The following SP100 variants were observed in gnomAD, a reference collection of about 807,000 sequenced individuals.
SP100 encodes the protein nuclear autoantigen Sp-100.
A neutral mutation model predicts 130.0 loss-of-function variants in SP100; 84 were observed. The observed-to-expected ratio is 0.65, with a 90% CI of 0.54 to 0.77. The LOEUF is 0.77. Ranked by LOEUF, SP100 falls within the 30% of genes least tolerant of loss-of-function variation. The pLI, the probability that SP100 is intolerant of heterozygous loss-of-function variation, is 0.00. For missense variants in SP100, 978 were observed against 1,052.2 expected, an observed-to-expected ratio of 0.93 and a Z score of 0.97; for synonymous variants, 331 against 351.7, an observed-to-expected ratio of 0.94 and a Z score of 0.66.
chr2:230,494,495 T>C lies in SP100; in HGVS notation c.1645+35T>C, dbSNP rs369212887. 1.6e-5 allele frequency: 25 copies of C among 1,522,618 alleles called. No homozygotes were observed. The African/African-American group carries it at 2.3e-4, about 14-fold the overall frequency. 94.3% of individuals were successfully genotyped at this position (1,522,618 alleles called of 1,614,324 possible). On this transcript the variant is annotated intron_variant, in intron 18 of 28. Coordinates refer to ENST00000340126, the MANE Select transcript of SP100 (RefSeq NM_001080391.2). The stretch of plus-strand genomic sequence containing the variant: ...AATGTGGGGATTTACTCCTTTGAAC[T>C]CGCTGTGGTCCTGTTCTTCCTGCCA...
chr2:230,482,804 A>T lies in SP100; in HGVS notation c.1600+8357A>T, dbSNP rs1418061232. ...CTCTAGTAAATACTAAAATTTTATA[A>T]CGTATTAATATCAGGTAGGGTAAGT... On this transcript the variant is annotated intron_variant, in intron 17 of 28. Coordinates refer to ENST00000340126, the MANE Select transcript of SP100 (RefSeq NM_001080391.2). 5.3e-5 allele frequency among the ~76,000 whole-genome samples: 8 copies of T among 152,212 alleles called. No individual in the cohort carries two copies. The South Asian group carries it at 8.3e-4, about 16-fold the overall frequency.
At chr2:230,537,232 C>T (rs555904227) in intron 24 of SP100, among the ~76,000 whole-genome samples, 4 of 152,198 alleles carry the variant, frequency 2.6e-5, no homozygotes, top group Admixed American at 2.0e-4. Context: ...GCACTCCAGC[C>T]GAGGTGACAG....
At chr2:230,535,736 G>A (rs370884113) in intron 24 of SP100, among the ~76,000 whole-genome samples, 9 of 151,396 alleles carry the variant, frequency 5.9e-5, no homozygotes, top group Admixed American at 4.0e-4. Flanking sequence ...GTGAAACCCC[G>A]TCTCTACTAA....
intron 2 of SP100, among the ~76,000 whole-genome samples, chr2:230,436,915 TGTATACACACAA>T (rs1261744968): frequency 1.8e-3 from 258 of 142,346 alleles, no homozygotes; most frequent in Non-Finnish European, 3.1e-3. Context: ...CGCATATATG[TGTATACACACAA>T]GTGTATACAC....
intron 2 of SP100, 132 bp from the exon 3 acceptor site, chr2:230,442,805 C>G: frequency 1.4e-6 from 1 of 731,972 alleles, no homozygotes; most frequent in Non-Finnish European, 2.3e-6. Flanking sequence ...TTTATTCTGG[C>G]CTCTACTGAG....
intron 12 of SP100, 129 bp from the exon 13 acceptor site, chr2:230,466,991 C>A (rs2303609): frequency 1.5e-6 from 1 of 673,204 alleles, no homozygotes; most frequent in Admixed American, 2.1e-5. Flanking sequence ...GTTTGAGGCA[C>A]GGACATTCTT....
At chr2:230,534,918 C>T (rs1230608000) in intron 24 of SP100, among the ~76,000 whole-genome samples, 6 of 152,104 alleles carry the variant, frequency 3.9e-5, no homozygotes, top group African/African-American at 1.2e-4. Flanking sequence ...TATAATCAGC[C>T]GGGCATGGTG....
At chr2:230,524,179 CA>C (rs71420292) in intron 24 of SP100, among the ~76,000 whole-genome samples, 2,161 of 75,370 alleles carry the variant, frequency 0.029, 41 homozygotes, top group African/African-American at 0.11. Context: ...ACTAAAAATA[CA>C]AAAAAAAAAA....
At chr2:230,512,491 T>A (rs1690673586) in intron 24 of SP100, among the ~76,000 whole-genome samples, 1 of 151,794 alleles carries the variant, frequency 6.6e-6, no homozygotes, top group African/African-American at 2.4e-5. Context: ...GGTTTTGTCA[T>A]GCTGATCAGG....
At chr2:230,531,588 A>G (rs1691706680) in intron 24 of SP100, among the ~76,000 whole-genome samples, 2 of 152,336 alleles carry the variant, frequency 1.3e-5, no homozygotes, top group South Asian at 4.1e-4. Context: ...AAAAAGAAAT[A>G]CATTGGCAGT....
At chr2:230,475,855 A>G (rs1253914726) in intron 17 of SP100, among the ~76,000 whole-genome samples, 1 of 152,106 alleles carries the variant, frequency 6.6e-6, no homozygotes, top group Non-Finnish European at 1.5e-5. Context: ...GTAAGTGAGC[A>G]GGTTTGTTTC....
At chr2:230,447,377 A>G (rs2063757172) in intron 5 of SP100, among the ~76,000 whole-genome samples, 1 of 152,158 alleles carries the variant, frequency 6.6e-6, no homozygotes, top group Non-Finnish European at 1.5e-5. Flanking sequence ...ACCATCTGAT[A>G]TCTTATAATT....
chr2:230,422,739 T>C (rs1190880912), intron 2 of SP100, among the ~76,000 whole-genome samples: 1 of 152,222 alleles, frequency 6.6e-6, no homozygotes, highest in Non-Finnish European at 1.5e-5. Flanking sequence ...AATGCAGGTG[T>C]GTTCAACCTG....
At position 230,545,166 on chromosome 2, in the gene SP100, A is replaced by G. The variant is rs138131986; in HGVS notation, c.*2220A>G. Among the ~76,000 whole-genome samples the G allele has an allele frequency of 6.1e-4, 93 of 152,364 alleles. No individual in the cohort carries two copies. The highest frequency in any genetic ancestry group is 2.1e-3 in the African/African-American group (88 of 41,582). On this transcript the variant is annotated 3_prime_UTR_variant, in exon 29 of 29. Coordinates refer to ENST00000340126, the MANE Select transcript of SP100 (RefSeq NM_001080391.2). Reference sequence around the variant, plus strand: ...ACTGCAGCACTATTCACAATAGCAAAGATACAGAATCAACCTAAGTGCCCA... The same window carrying G: ...ACTGCAGCACTATTCACAATAGCAAGGATACAGAATCAACCTAAGTGCCCA...
At chr2:230,512,750 A>G (rs1690692610) in intron 24 of SP100, among the ~76,000 whole-genome samples, 1 of 152,220 alleles carries the variant, frequency 6.6e-6, no homozygotes, top group South Asian at 2.1e-4. Flanking sequence ...TTCTATTATT[A>G]TTACATTGTA....
intron 2 of SP100, chr2:230,440,445 T>C: frequency 2.5e-6 from 2 of 794,636 alleles, no homozygotes; most frequent in Non-Finnish European, 3.4e-6. Context: ...ATTTTTTAAA[T>C]TTAATTAAAT....
chr2:230,445,431 A>G (rs531717838), intron 4 of SP100, among the ~76,000 whole-genome samples: 1 of 152,302 alleles, frequency 6.6e-6, no homozygotes, highest in African/African-American at 2.4e-5. Context: ...ATACAAGTTG[A>G]CTTAGATCAA....
At chr2:230,537,809 T>A (rs1009044740) in intron 24 of SP100, 1 of 152,214 alleles carries the variant, frequency 6.6e-6, no homozygotes, top group African/African-American at 2.4e-5. Context: ...ACAAGAAAAG[T>A]TGTGAGTCAC....
Position 230,450,175 on chromosome 2 carries a change from C to T in SP100, c.740C>T (p.Ser247Phe). ...QCAQKAEPTESCEQIAVQVNN... is the reference protein window; with the variant it reads ...QCAQKAEPTEFCEQIAVQVNN... Reference sequence around the variant, plus strand: ...CTGTGATCTCGTTTATCTCCAGAGTCCTGCGAACAAATTGCTGTCCAAGTG... The same window carrying T: ...CTGTGATCTCGTTTATCTCCAGAGTTCTGCGAACAAATTGCTGTCCAAGTG... The change falls in exon 8 of 29, where the codon TCC becomes TTC. Residue 247 changes from serine (S) to phenylalanine (F), a missense_variant. Physicochemically the swap from Ser to Phe is radical, Grantham distance 155 (BLOSUM62 -2). Transcript: ENST00000340126. The T allele has an allele frequency of 6.2e-7, 1 of 1,612,272 alleles. No individual in the cohort carries two copies. Among genetic ancestry groups the T allele is most frequent in the Non-Finnish European group, 8.5e-7 (1 of 1,178,410 alleles).
Sources: gnomAD v4.1 joint callset for allele counts (sites outside exome capture counted in the v4.1 genomes callset) on GRCh38, gnomAD v4.1.1 for gene constraint, MANE v1.5 for transcripts, NCBI Gene and HGNC (gene_info 2026-07-23, HGNC 2026-07-21) for gene names.